NBPF20: variants seen among roughly 807,000 people sequenced by gnomAD.
NBPF20 encodes NBPF member 20, also known as NBPF family member NBPF20.
NBPF20 carries 90 observed loss-of-function variants against 68.1 expected under a neutral mutation model. That is an observed-to-expected ratio of 1.32 (90% CI 1.11 to 1.58). The LOEUF is 1.58. Among genes scored for constraint, NBPF20 ranks in the 40% most tolerant of loss-of-function variants. The pLI is 0.00. For missense variants in NBPF20, 816 were observed against 601.2 expected, an observed-to-expected ratio of 1.36 and a Z score of -3.74; for synonymous variants, 290 against 228.1, an observed-to-expected ratio of 1.27 and a Z score of -2.45.
At chr1:145,291,296 T>C (rs1222323372) in exon 138 of NBPF20, 1 of 669,794 alleles carries the variant, frequency 1.5e-6, no homozygotes, top group Non-Finnish European at 2.5e-6. Flanking sequence ...GACTGATCAC[T>C]CCCGGCATGT....
Position 145,394,964 on chromosome 1 carries a change from A to T in NBPF20, c.991+14T>A. On this transcript the variant is annotated intron_variant, in intron 8 of 137. Coordinates refer to ENST00000369373, the Ensembl canonical transcript of NBPF20. ...TGAACTGGAGCTTTATCACCTTCAC[A>T]GTGTAGTACTCACTGCCTATGTCAA... The T allele has an allele frequency of 1.2e-6, 2 of 1,611,996 alleles. No individual in the cohort carries two copies. Among genetic ancestry groups the T allele is most frequent in the East Asian group, 2.2e-5 (1 of 44,888 alleles).
Position 145,378,042 on chromosome 1 carries a change from C to T in NBPF20, c.3464+1G>A. 4 of 407,814 alleles carry T rather than the reference C, an allele frequency of 9.8e-6. 1 individual carries two copies. Among genetic ancestry groups the T allele is most frequent in the East Asian group, 1.1e-4 (2 of 18,316 alleles). The allele number at this position is 407,814 out of a possible 1,614,324, so 25.3% of individuals were successfully genotyped here. Reference sequence around the variant, plus strand: ...AAGCATCCATAATTGCTCAAAGTTACCTGGGGCATGATGGGTCTTGGTCTT... The same window carrying T: ...AAGCATCCATAATTGCTCAAAGTTATCTGGGGCATGATGGGTCTTGGTCTT... On this transcript the variant is annotated splice_donor_variant, in intron 29 of 137. Transcript: ENST00000369373. LOFTEE classifies it high-confidence loss of function.
At chr1:145,402,492 G>A in intron 3 of NBPF20, 111 bp from the exon 9 acceptor site, 1 of 1,110,958 alleles carries the variant, frequency 9.0e-7, no homozygotes, top group Non-Finnish European at 1.4e-6. Context: ...CGAAGCAGAA[G>A]GTCAGCACAT....
intron 136 of NBPF20, among the ~76,000 whole-genome samples, chr1:145,292,853 G>T (rs1485948392): frequency 1.6e-5 from 1 of 63,818 alleles, no homozygotes; most frequent in East Asian, 4.9e-4. Flanking sequence ...GATTGTTCAT[G>T]GTTGTGAGGA....
intron 9 of NBPF20, chr1:145,393,592 A>G: frequency 1.5e-6 from 1 of 653,102 alleles, no homozygotes; most frequent in East Asian, 2.7e-5. Context: ...TGATCATGAA[A>G]AGCATGTCCT....
exon 137 of NBPF20, chr1:145,292,457 T>A (rs782696186): frequency 1.8e-5 from 13 of 718,548 alleles, no homozygotes; most frequent in East Asian, 2.5e-5. Flanking sequence ...CTTCTTCCCC[T>A]TCTTTTCTTC....
chr1:145,410,312 A>G (rs2938043), upstream of NBPF20, among the ~76,000 whole-genome samples: 2 of 149,490 alleles, frequency 1.3e-5, no homozygotes, highest in African/African-American at 4.9e-5. Flanking sequence ...CCATTCATGT[A>G]TCTTCTTTTT....
chr1:145,410,984 CTCTCT>C, the NBPF20 span, among the ~76,000 whole-genome samples: 14 of 142,462 alleles, frequency 9.8e-5, no homozygotes, highest in Non-Finnish European at 1.7e-4. Flanking sequence ...TTTCTGGATT[CTCTCT>C]TCTCTTCCAC....
intron 129 of NBPF20, among the ~76,000 whole-genome samples, chr1:145,298,347 C>A (rs1345880426): frequency 7.0e-6 from 1 of 142,116 alleles, no homozygotes; most frequent in Non-Finnish European, 1.5e-5. Context: ...CACACACACA[C>A]ACACACACAG....
At chr1:145,410,377 G>A (rs1346184631), upstream of NBPF20, among the ~76,000 whole-genome samples, 1 of 149,776 alleles carries the variant, frequency 6.7e-6, no homozygotes, top group African/African-American at 2.4e-5. Context: ...TGCAGTGGCG[G>A]GATCTCGGCT....
At chr1:145,413,609 C>T in the NBPF20 span, among the ~76,000 whole-genome samples, 2 of 148,346 alleles carry the variant, frequency 1.3e-5, no homozygotes, top group Non-Finnish European at 1.5e-5. Flanking sequence ...GAGCAGAGAG[C>T]CCAGAGGCAA....
At chr1:145,400,344 C>T (rs1486380987) in intron 6 of NBPF20, 45 bp downstream of exon 11, 11 of 1,610,930 alleles carry the variant, frequency 6.8e-6, no homozygotes, top group Non-Finnish European at 7.6e-6. Context: ...GTTTATCTTC[C>T]TCAGCCTAGA....
At chr1:145,400,615 G>A (rs1662477521) in intron 5 of NBPF20, 21 bp from the exon 11 acceptor site, 2 of 1,604,550 alleles carry the variant, frequency 1.2e-6, no homozygotes, top group Non-Finnish European at 1.7e-6. Context: ...AGGTGGGACA[G>A]AGATGACAGA....
intron 9 of NBPF20, 59 bp downstream of exon 14, chr1:145,393,825 G>A: frequency 7.9e-7 from 1 of 1,263,442 alleles, no homozygotes; most frequent in Non-Finnish European, 1.1e-6. Context: ...TGTTTTCCCT[G>A]GACTTGGCAT....
At chr1:145,394,949 C>A (rs1662151480) in intron 8 of NBPF20, 29 bp downstream of exon 13, 12 of 1,611,834 alleles carry the variant, frequency 7.4e-6, no homozygotes, top group East Asian at 2.2e-5. Flanking sequence ...TGAACTGGAG[C>A]TTTATCACCT....
At position 145,400,591 on chromosome 1, in the gene NBPF20, C is replaced by G. The variant is rs1377001084; in HGVS notation, c.570G>C (p.Glu190Asp). The G allele has an allele frequency of 2.2e-5, 36 of 1,611,792 alleles. No individual in the cohort carries two copies. The African/African-American group carries it at 3.9e-4, about 17-fold the overall frequency. ...CTTCCTTTTCTTCAGCCTTCTGCAT[C>G]TCCCTGATGAGCCAGGTGGGACAGA... is the stretch of plus-strand genomic sequence containing the variant. The change falls in exon 6 of 138, where the codon GAG becomes GAC. Residue 190 changes from glutamate (E) to aspartate (D), a missense_variant. Physicochemically the swap from Glu to Asp is conservative, Grantham distance 45. Coordinates refer to ENST00000369373, the Ensembl canonical transcript of NBPF20.
At chr1:145,296,080 T>A in intron 132 of NBPF20, 1 of 166,826 alleles carries the variant, frequency 6.0e-6, no homozygotes, top group Non-Finnish European at 9.9e-6. Context: ...TTGTCACATC[T>A]GCCCAGGTCC....
At chr1:145,406,245 A>C (rs1253781839), upstream of NBPF20, among the ~76,000 whole-genome samples, 1 of 151,542 alleles carries the variant, frequency 6.6e-6, no homozygotes, top group African/African-American at 2.4e-5. Flanking sequence ...ACTTCTCTTT[A>C]CTCAGGTGGG....
At chr1:145,397,420 T>C (rs1192464816) in intron 7 of NBPF20, among the ~76,000 whole-genome samples, 8 of 152,238 alleles carry the variant, frequency 5.3e-5, no homozygotes, top group African/African-American at 1.9e-4. Context: ...CCACATCCTC[T>C]CCAGCATCTT....
Sources: gnomAD v4.1 joint callset for allele counts (sites outside exome capture counted in the v4.1 genomes callset) on GRCh38, gnomAD v4.1.1 for gene constraint, MANE v1.5 for transcripts, NCBI Gene and HGNC (gene_info 2026-07-23, HGNC 2026-07-21) for gene names.